FRYL: variants seen among roughly 807,000 people sequenced by gnomAD.
FRYL encodes protein furry homolog-like.
FRYL carries 150 observed loss-of-function variants against 351.2 expected under a neutral mutation model. The observed-to-expected ratio is 0.43, with a 90% CI of 0.37 to 0.49. The LOEUF is 0.49. Among genes scored for constraint, FRYL ranks in the 20% least tolerant of loss-of-function variants. The pLI is 0.00. For missense variants in FRYL, 3,036 were observed against 3,619.3 expected (o/e 0.84, Z 4.13); for synonymous variants, 1,153 against 1,257.1 (o/e 0.92, Z 1.75).
At chr4:48,766,256 T>C (rs1251145278) in intron 1 of FRYL, among the ~76,000 whole-genome samples, 2 of 152,204 alleles carry the variant, frequency 1.3e-5, no homozygotes, top group African/African-American at 4.8e-5. Flanking sequence ...CTACACACGA[T>C]GGCTACAATC....
At chr4:48,586,387 A>G (rs927846926) in intron 19 of FRYL, among the ~76,000 whole-genome samples, 1 of 152,094 alleles carries the variant, frequency 6.6e-6, no homozygotes, top group African/African-American at 2.4e-5. Context: ...AGGGAACTGA[A>G]AGATAGGATT....
chr4:48,514,463 C>T (rs1723134354), intron 56 of FRYL, among the ~76,000 whole-genome samples: 1 of 152,014 alleles, frequency 6.6e-6, no homozygotes, highest in African/African-American at 2.4e-5. Context: ...CAAGTTAGTC[C>T]TTGAGTAAAG....
In FRYL at chr4:48,576,082, G is replaced by A. The variant is rs371821990; in HGVS notation, c.2669C>T (p.Pro890Leu). 1.4e-5 allele frequency: 22 copies of A among 1,613,532 alleles called. No individual in the cohort carries two copies. In the African/African-American group the frequency reaches 1.5e-4, roughly 11 times the overall value. The stretch of plus-strand genomic sequence containing the variant: ...TGGGGTAGACGCCAGCGTCTCAGGA[G>A]GAGAACATCTCACAGAACCTGCAGA... ...STSAGSVRCS[P>L]PETLASTPDS... is the part of the protein sequence containing the mutation. The change falls in exon 24 of 64, where the codon CCT becomes CTT. Residue 890 changes from proline (P) to leucine (L), a missense_variant. Physicochemically the swap from Pro to Leu is moderately conservative, Grantham distance 98. This residue lies in a region of FRYL where 492 missense variants were observed against 551.5 expected (regional missense o/e 0.89). Transcript: ENST00000358350.
chr4:48,722,998 C>A (rs1438919374), intron 1 of FRYL, among the ~76,000 whole-genome samples: 2 of 152,128 alleles, frequency 1.3e-5, no homozygotes, highest in African/African-American at 4.8e-5. Context: ...AATCTCACAT[C>A]TTTTTTTCTC....
At chr4:48,729,033 C>G (rs1377041332) in intron 1 of FRYL, among the ~76,000 whole-genome samples, 2 of 152,246 alleles carry the variant, frequency 1.3e-5, no homozygotes. Flanking sequence ...CTGTGCTTTT[C>G]CCACGGTCTT....
chr4:48,565,155 C>T, intron 29 of FRYL, 112 bp from the exon 30 acceptor site: 1 of 542,434 alleles, frequency 1.8e-6, no homozygotes, highest in Non-Finnish European at 3.2e-6. Flanking sequence ...AATCTTTTTT[C>T]TTTACAAATT....
chr4:48,498,615 ATAT>A lies in FRYL; in HGVS notation c.*804_*806del, dbSNP rs763475829. On this transcript the variant is annotated 3_prime_UTR_variant, in exon 64 of 64. Transcript: ENST00000358350. ...CAGCATTCCAATAACGTTAACAGAT[ATAT>A]TATTTCTTTTTGAAATACTGGGAAA... The A allele has an allele frequency of 6.5e-6, 1 of 152,674 alleles. No individual in the cohort carries two copies. Among genetic ancestry groups the A allele is most frequent in the Non-Finnish European group, 1.5e-5 (1 of 68,064 alleles). The allele number at this position is 152,674 out of a possible 1,614,324, so 9.5% of individuals were successfully genotyped here.
intron 2 of FRYL, among the ~76,000 whole-genome samples, chr4:48,685,017 C>CA (rs1161092550): frequency 6.6e-6 from 1 of 152,098 alleles, no homozygotes; most frequent in African/African-American, 2.4e-5. Flanking sequence ...ATGAACCCCC[C>CA]ACCATTCCCA....
At chr4:48,663,162 T>C (rs1578608171) in intron 3 of FRYL, among the ~76,000 whole-genome samples, 1 of 151,868 alleles carries the variant, frequency 6.6e-6, no homozygotes, top group Non-Finnish European at 1.5e-5. Flanking sequence ...GTTTATAATA[T>C]ATGTAGAAAT....
chr4:48,666,570 AT>A (rs1488240193), intron 3 of FRYL, among the ~76,000 whole-genome samples: 2 of 152,142 alleles, frequency 1.3e-5, no homozygotes. Context: ...TAACTTCATA[AT>A]CTTAATATTC....
At chr4:48,554,580 C>T (rs1010405683) in intron 35 of FRYL, among the ~76,000 whole-genome samples, 1 of 152,186 alleles carries the variant, frequency 6.6e-6, no homozygotes, top group African/African-American at 2.4e-5. Context: ...CTCAGGTGAT[C>T]CTCCTGCCTT....
chr4:48,769,523 T>A (rs1775304733), intron 1 of FRYL, among the ~76,000 whole-genome samples: 1 of 152,238 alleles, frequency 6.6e-6, no homozygotes, highest in Non-Finnish European at 1.5e-5. Flanking sequence ...GAAAACAGTC[T>A]GGTAGTTTCT....
intron 53 of FRYL, 86 bp from the exon 54 acceptor site, chr4:48,523,190 A>C: frequency 2.2e-6 from 2 of 894,810 alleles, no homozygotes; most frequent in Non-Finnish European, 3.5e-6. Flanking sequence ...ACATATACCA[A>C]GATGAAAAAT....
intron 31 of FRYL, among the ~76,000 whole-genome samples, chr4:48,563,724 A>C (rs1482484992): frequency 6.7e-6 from 1 of 150,110 alleles, no homozygotes; most frequent in Admixed American, 6.6e-5. Context: ...AAAAAAAAGG[A>C]GTATACGGGA....
intron 1 of FRYL, among the ~76,000 whole-genome samples, chr4:48,754,803 T>G (rs1416365987): frequency 6.6e-6 from 1 of 151,894 alleles, no homozygotes; most frequent in Non-Finnish European, 1.5e-5. Flanking sequence ...CACCATGCCT[T>G]GCTAATTTTT....
chr4:48,690,333 T>A (rs1414343778), intron 2 of FRYL, among the ~76,000 whole-genome samples: 3 of 152,164 alleles, frequency 2.0e-5, no homozygotes, highest in Non-Finnish European at 2.9e-5. Context: ...TGCTCATGAA[T>A]TTCTGGACTA....
chr4:48,681,132 GTTC>G (rs1560851442), intron 3 of FRYL: 1 of 1,221,288 alleles, frequency 8.2e-7, no homozygotes, highest in Non-Finnish European at 1.1e-6. Context: ...CCATTTTAAG[GTTC>G]TTCTACATTA....
At position 48,537,357 on chromosome 4, in the gene FRYL, C is replaced by T. The variant is rs531655224; in HGVS notation, c.6394-1530G>A. Among the ~76,000 whole-genome samples the T allele has an allele frequency of 5.9e-5, 9 of 152,182 alleles. No homozygotes were observed. In the South Asian group the frequency reaches 8.3e-4, roughly 14 times the overall value. ...TTGAAATGCCAGGTTAAAATACGATCCAAAAAGAGTGTGTTTTATAACAAA... is the reference window on the plus strand; with the variant it reads ...TTGAAATGCCAGGTTAAAATACGATTCAAAAAGAGTGTGTTTTATAACAAA... On this transcript the variant is annotated intron_variant, in intron 47 of 63. Transcript: ENST00000358350.
intron 60 of FRYL, among the ~76,000 whole-genome samples, chr4:48,504,492 A>G (rs1193787540): frequency 6.6e-6 from 1 of 152,154 alleles, no homozygotes; most frequent in Admixed American, 6.5e-5. Flanking sequence ...GCAGTTAAAC[A>G]GTGGCAAAGA....
Sources: gnomAD v4.1 joint callset for allele counts (sites outside exome capture counted in the v4.1 genomes callset) on GRCh38, gnomAD v4.1.1 for gene constraint, gnomAD v4.1.1 regional missense constraint, MANE v1.5 for transcripts, NCBI Gene and HGNC (gene_info 2026-07-23, HGNC 2026-07-21) for gene names.